Variants in NCKIPSD observed in about 807,000 individuals in gnomAD.
NCKIPSD encodes the protein NCK interacting protein with SH3 domain.
NCKIPSD carries 48 observed loss-of-function variants against 73.4 expected under a neutral mutation model. The ratio of observed to expected loss-of-function variants is 0.65; its 90% confidence interval spans 0.52 to 0.83. The LOEUF is 0.83. Ranked by LOEUF, NCKIPSD falls within the 40% of genes least tolerant of loss-of-function variation. The probability of loss-of-function intolerance (pLI) is 0.00; values close to 1 mark genes in which losing one functional copy is unlikely to be tolerated. For synonymous variants in NCKIPSD, 422 were observed against 403.6 expected, an observed-to-expected ratio of 1.05 and a Z score of -0.54; for missense variants, 884 against 970.2, an observed-to-expected ratio of 0.91 and a Z score of 1.18.
At position 48,674,884 on chromosome 3, in the gene NCKIPSD, T is replaced by C. The variant is rs985011108; in HGVS notation, c.1966-137A>G. 1.5e-5 allele frequency: 12 copies of C among 803,026 alleles called. No homozygotes were observed. In the African/African-American group the frequency reaches 1.9e-4, roughly 13 times the overall value. 49.7% of individuals were successfully genotyped at this position (803,026 alleles called of 1,614,324 possible). A position where few individuals can be genotyped will look rare whatever the true frequency, so the allele number is the denominator to read the frequency against. On this transcript the variant is annotated intron_variant, in intron 12 of 12. Transcript: ENST00000294129. ...AGGGCTGCATCCCCAGCACCCACAA[T>C]ATACCTGGCACAGAATTGGTCTTCA...
chr3:48,682,804 C>G (rs1219950203), intron 2 of NCKIPSD, 99 bp downstream of exon 2: 36 of 1,474,886 alleles, frequency 2.4e-5, no homozygotes, highest in Non-Finnish European at 3.2e-5. Context: ...CTTGCCAACC[C>G]TCGCATTTCC....
chr3:48,677,937 C>T (rs2077280016), intron 12 of NCKIPSD, among the ~76,000 whole-genome samples: 1 of 152,108 alleles, frequency 6.6e-6, no homozygotes, highest in Admixed American at 6.6e-5. Context: ...CTGATGCCCT[C>T]GGTACCTGGG....
Position 48,681,298 on chromosome 3 carries a change from C to G in NCKIPSD, c.1081G>C (p.Val361Leu). 3 of 1,604,434 alleles carry G rather than the reference C, an allele frequency of 1.9e-6. No individual in the cohort carries two copies. The highest frequency in any genetic ancestry group is 1.7e-6 in the Non-Finnish European group (2 of 1,177,428). Residue 361 changes from valine to leucine, a missense_variant, in exon 5 of 13, where the codon GTA becomes CTA. Transcript: ENST00000294129. ...CCGCCCACCCTCACCTTGCCCTCTA[C>G]GAGTGAGAGGAGGACCTGCTCCATG... The part of the protein sequence containing the change: ...PVMEQVLLSL[V>L]EGKDLSMALP...
chr3:48,681,632 T>A lies in NCKIPSD; in HGVS notation c.747A>T (p.Arg249=), dbSNP rs771339769. 3.4e-5 allele frequency: 55 copies of A among 1,613,010 alleles called. No homozygotes were observed. The highest frequency in any genetic ancestry group is 4.5e-5 in the Non-Finnish European group (53 of 1,179,638). ...CTTGGGACACGGTGGTGTGGGTGCC[T>A]CGGCGGGGCACAGGTGGGGGTGTGG... The part of the protein sequence containing the change: ...CSPTPPPVPR[R]GTHTTVSQVQ... Residue 249 remains arginine (R), a synonymous_variant, in exon 5 of 13, where the codon CGA becomes CGT. Coordinates refer to ENST00000294129, the MANE Select transcript of NCKIPSD (RefSeq NM_016453.4).
chr3:48,682,194 C>T, intron 3 of NCKIPSD, 38 bp from the exon 4 acceptor site: 2 of 1,581,534 alleles, frequency 1.3e-6, no homozygotes, highest in African/African-American at 1.3e-5. Context: ...GACAGACTGA[C>T]ATCTAGAGCG....
intron 12 of NCKIPSD, among the ~76,000 whole-genome samples, chr3:48,677,219 T>G (rs751160854): frequency 3.3e-4 from 50 of 151,316 alleles, no homozygotes; most frequent in Non-Finnish European, 7.1e-4. Context: ...CGAAACCCTG[T>G]CTCTGCTAAA....
At position 48,678,931 on chromosome 3, in the gene NCKIPSD, G is replaced by A. The variant is rs1559491980; in HGVS notation, c.1738C>T (p.His580Tyr). ...TCGGAGAAGATCTTGACATTGGCGT[G>A]TTTGCTCAGGGCAGCCATGATGACA... ...QNVIMAALSK[H>Y]ANVKIFSEKL... Residue 580 changes from histidine to tyrosine, a missense_variant, in exon 11 of 13, where the codon CAC becomes TAC. Physicochemically the swap from His to Tyr is moderately conservative, Grantham distance 83 (BLOSUM62 2). Transcript: ENST00000294129. 1 of 1,614,088 alleles carries A rather than the reference G, an allele frequency of 6.2e-7. No individual in the cohort carries two copies. The highest frequency in any genetic ancestry group is 8.5e-7 in the Non-Finnish European group (1 of 1,180,008).
At chr3:48,677,186 C>G (rs2077268826) in intron 12 of NCKIPSD, among the ~76,000 whole-genome samples, 1 of 150,890 alleles carries the variant, frequency 6.6e-6, no homozygotes, top group Admixed American at 6.6e-5. Context: ...GTCAGGAGTT[C>G]AAGACCAGCC....
chr3:48,675,543 A>G (rs968810117), intron 12 of NCKIPSD, among the ~76,000 whole-genome samples: 1 of 141,302 alleles, frequency 7.1e-6, no homozygotes, highest in African/African-American at 2.6e-5. Context: ...ATATATATAT[A>G]TATCATTTTT....
chr3:48,684,190 A>G (rs2077400265), intron 1 of NCKIPSD, among the ~76,000 whole-genome samples: 1 of 152,152 alleles, frequency 6.6e-6, no homozygotes, highest in African/African-American at 2.4e-5. Flanking sequence ...ACAGGCAGAG[A>G]GGCACAGAGT....
rs5848856 is a variant in NCKIPSD at position 48,675,528 on chromosome 3, G to GATATATATATATATATATGAT, written c.1966-782_1966-781insATCATATATATATATATATAT. Among the ~76,000 whole-genome samples, 14 of 122,296 alleles carry GATATATATATATATATATGAT rather than the reference G, an allele frequency of 1.1e-4. 1 individual carries two copies. The highest frequency in any genetic ancestry group is 4.2e-4 in the African/African-American group (13 of 31,142). 80.2% of individuals were successfully genotyped at this position (122,296 alleles called of 152,430 possible). A position where few individuals can be genotyped will look rare whatever the true frequency, so the allele number is the denominator to read the frequency against. On this transcript the variant is annotated intron_variant, in intron 12 of 12. Coordinates refer to ENST00000294129, the MANE Select transcript of NCKIPSD (RefSeq NM_016453.4). The stretch of plus-strand genomic sequence containing the variant: ...ATATATCATATATATATATATATAT[G>GATATATATATATATATATGAT]ATATATATATATATATATCATTTTT...
intron 9 of NCKIPSD, 49 bp from the exon 10 acceptor site, chr3:48,679,232 C>T: frequency 6.2e-7 from 1 of 1,610,492 alleles, no homozygotes; most frequent in Non-Finnish European, 8.5e-7. Context: ...CCTCCGACCC[C>T]CGCACCACCC....
intron 2 of NCKIPSD, 140 bp downstream of exon 2, chr3:48,682,763 G>A: frequency 7.7e-7 from 1 of 1,299,168 alleles, no homozygotes; most frequent in Non-Finnish European, 1.1e-6. Flanking sequence ...ACCCCACCTT[G>A]CTCACTGGGA....
intron 11 of NCKIPSD, 41 bp from the exon 12 acceptor site, chr3:48,678,777 G>C (rs754853797): frequency 6.8e-6 from 11 of 1,611,146 alleles, no homozygotes; most frequent in Non-Finnish European, 9.3e-6. Context: ...GGACCTTGTG[G>C]GGATCCCAGA....
chr3:48,676,751 C>T (rs887610202), intron 12 of NCKIPSD, among the ~76,000 whole-genome samples: 5 of 151,986 alleles, frequency 3.3e-5, no homozygotes, highest in Non-Finnish European at 5.9e-5. Context: ...CTTCGGCCTC[C>T]CAAAGTGCTG....
At chr3:48,685,615 G>T (rs2077425233) in intron 1 of NCKIPSD, 22 bp downstream of exon 1, 1 of 1,512,938 alleles carries the variant, frequency 6.6e-7, no homozygotes, top group Middle Eastern at 1.9e-4. Context: ...CGCGGAGGCC[G>T]GGCGGGAAGG....
intron 12 of NCKIPSD, 76 bp from the exon 13 acceptor site, chr3:48,674,823 T>C (rs1575559273): frequency 2.0e-6 from 3 of 1,471,044 alleles, no homozygotes; most frequent in East Asian, 2.3e-5. Context: ...AGGACCCCAC[T>C]GTCCCACAGA....
chr3:48,676,801 C>T (rs1413676683), intron 12 of NCKIPSD, among the ~76,000 whole-genome samples: 1 of 151,754 alleles, frequency 6.6e-6, no homozygotes, highest in Non-Finnish European at 1.5e-5. Flanking sequence ...CCAACATCCC[C>T]CATCTGTCAC....
intron 12 of NCKIPSD, among the ~76,000 whole-genome samples, chr3:48,677,069 G>A (rs896244568): frequency 4.0e-5 from 6 of 149,278 alleles, no homozygotes; most frequent in East Asian, 2.1e-4. Context: ...GAGCCACCGC[G>A]CCTGGCCAAC....
Sources: gnomAD v4.1 joint callset for allele counts (sites outside exome capture counted in the v4.1 genomes callset) on GRCh38, gnomAD v4.1.1 for gene constraint, MANE v1.5 for transcripts, NCBI Gene and HGNC (gene_info 2026-07-23, HGNC 2026-07-21) for gene names.